Variants in PSG2 observed in about 807,000 individuals in gnomAD.
The protein encoded by PSG2 is pregnancy specific beta-1-glycoprotein 2.
Under a neutral mutation model 36.2 loss-of-function variants are expected in PSG2, and 49 were observed. That is an observed-to-expected ratio of 1.35 (90% CI 1.08 to 1.72). The LOEUF (loss-of-function observed/expected upper bound fraction) is 1.72, where lower values mean the gene tolerates loss of function less well. Ranked by LOEUF, PSG2 falls within the 40% of genes most tolerant of loss-of-function variation. The probability of loss-of-function intolerance (pLI) is 0.00; values close to 1 mark genes in which losing one functional copy is unlikely to be tolerated. For synonymous variants in PSG2, 261 were observed against 155.6 expected (o/e 1.68, Z -5.04); for missense variants, 605 against 407.2 (o/e 1.49, Z -4.18).
At chr19:43,072,712 C>G (rs1967837187) in intron 3 of PSG2, 9 of 1,572,848 alleles carry the variant, frequency 5.7e-6, no homozygotes, top group Non-Finnish European at 7.8e-6. Flanking sequence ...GTTACCATCT[C>G]CCACCTCTCA....
intron 1 of PSG2, chr19:43,082,122 C>T (rs12986160): frequency 0.31 from 20,824 of 67,908 alleles, 3,469 homozygotes; most frequent in South Asian, 0.5. Context: ...TTTCTTCTCT[C>T]TTTTTTTTTT....
intron 5 of PSG2, chr19:43,065,378 T>C (rs1295141206): frequency 6.6e-6 from 1 of 151,588 alleles, no homozygotes; most frequent in East Asian, 1.9e-4. Flanking sequence ...TACTTTTAGC[T>C]GAAAATCATT....
chr19:43,075,268 G>A (rs889689430), intron 3 of PSG2, 86 bp downstream of exon 3: 1 of 1,611,244 alleles, frequency 6.2e-7, no homozygotes, highest in Non-Finnish European at 8.5e-7. Flanking sequence ...TCTGTACTTG[G>A]ACCTGAGAGG....
intron 4 of PSG2, among the ~76,000 whole-genome samples, chr19:43,066,991 T>C (rs569092857): frequency 1.3e-5 from 2 of 151,450 alleles, no homozygotes; most frequent in Non-Finnish European, 2.9e-5. Flanking sequence ...AGGGACCTGA[T>C]TGGCAGAAGG....
At chr19:43,075,839 G>T (rs1967888163) in intron 2 of PSG2, among the ~76,000 whole-genome samples, 1 of 151,566 alleles carries the variant, frequency 6.6e-6, no homozygotes, top group South Asian at 2.1e-4. Flanking sequence ...GAGAAGCACA[G>T]ACTTTCTCAG....
At position 43,081,147 on chromosome 19, in the gene PSG2, A is replaced by G; in HGVS notation, c.164T>C (p.Val55Ala). 1.2e-6 allele frequency: 2 copies of G among 1,612,820 alleles called. No individual in the cohort carries two copies. Among genetic ancestry groups the G allele is most frequent in the African/African-American group, 2.7e-5 (2 of 74,286 alleles). ...VSEGKDVLLL[V>A]HNLPQNLTGY... ...AGTAAGATTCTGGGGCAAATTGTGG[A>G]CAAGTAGAAGAACATCCTTCCCCTC... The change falls in exon 2 of 6, where the codon GTC (valine) becomes GCC (alanine). Residue 55 changes from valine (V) to alanine (A), a missense_variant. Transcript: ENST00000406487.
rs752887639 is a variant in PSG2 at position 43,081,208 on chromosome 19, G to A, written c.103C>T (p.Gln35Ter). 4 of 1,612,534 alleles carry A rather than the reference G, an allele frequency of 2.5e-6. No homozygotes were observed. The highest frequency in any genetic ancestry group is 3.4e-6 in the Non-Finnish European group (4 of 1,179,584). Reference protein sequence around the residue: ...LNFWNLPTTAQVTIEAQPPKV... With the variant: ...LNFWNLPTTA ...GGTGGCTGGGCTTCAATCGTGACTT[G>A]GGCAGTGGTGGGCAGGTTCCAGAAG... Residue 35 changes from glutamine (Q) to a stop codon, truncating the protein, a stop_gained, in exon 2 of 6, where the codon CAA becomes TAA. Coordinates refer to ENST00000406487, the MANE Select transcript of PSG2 (RefSeq NM_031246.4). LOFTEE classifies it high-confidence loss of function.
chr19:43,065,324 G>A (rs1198918132), intron 5 of PSG2, among the ~76,000 whole-genome samples: 1 of 151,522 alleles, frequency 6.6e-6, no homozygotes, highest in Non-Finnish European at 1.5e-5. Context: ...GGCCAAAAAT[G>A]TATAGTCTTA....
rs1064935 is a variant in PSG2, at chr19:43,071,776, G to C, written c.888C>G (p.Ser296Arg). The C allele has an allele frequency of 6.2e-7, 1 of 1,612,386 alleles. No individual in the cohort carries two copies. Among genetic ancestry groups the C allele is most frequent in the Non-Finnish European group, 8.5e-7 (1 of 1,179,142 alleles). ...TACGAACAGAGCAAACATAGAGCCC[G>C]CTATGCTTTGTAGTAATTTGGGGGA... ...LFIPQITTKH[S>R]GLYVCSVRNS... Residue 296 changes from serine to arginine, a missense_variant, in exon 4 of 6, where the codon AGC becomes AGG. By Grantham distance (110) the Ser-to-Arg change is moderately radical. Transcript: ENST00000406487.
chr19:43,071,959 A>G lies in PSG2; in HGVS notation c.710-5T>C. On this transcript the variant is annotated splice_polypyrimidine_tract_variant and splice_region_variant and intron_variant, in intron 3 of 5. Coordinates refer to ENST00000406487, the MANE Select transcript of PSG2 (RefSeq NM_031246.4). ...TTCTGGGGAGGTCTGGACCATCTGGAGCAAAGAGAATAAAGCCACAGGTGA... is the reference window on the plus strand; with the variant it reads ...TTCTGGGGAGGTCTGGACCATCTGGGGCAAAGAGAATAAAGCCACAGGTGA... The G allele has an allele frequency of 6.2e-7, 1 of 1,611,782 alleles. No individual in the cohort carries two copies. The highest frequency in any genetic ancestry group is 8.5e-7 in the Non-Finnish European group (1 of 1,178,788).
intron 2 of PSG2, among the ~76,000 whole-genome samples, chr19:43,077,525 T>C (rs10418598): frequency 0.2 from 29,640 of 151,358 alleles, 5,213 homozygotes; most frequent in African/African-American, 0.45. Flanking sequence ...AGGAAGATTC[T>C]AAGTGAGATG....
At chr19:43,066,715 A>T in intron 4 of PSG2, 115 bp from the exon 5 acceptor site, 1 of 1,384,474 alleles carries the variant, frequency 7.2e-7, no homozygotes, top group East Asian at 2.3e-5. Context: ...CAAGGACCAC[A>T]TTATTTCTCT....
intron 2 of PSG2, among the ~76,000 whole-genome samples, chr19:43,080,320 G>T (rs1047607531): frequency 2.0e-5 from 3 of 151,726 alleles, no homozygotes; most frequent in Non-Finnish European, 4.4e-5. Context: ...CCATTGCCCA[G>T]ATGAGGCTCT....
intron 4 of PSG2, among the ~76,000 whole-genome samples, chr19:43,070,167 A>T (rs1273934461): frequency 6.6e-6 from 1 of 151,670 alleles, no homozygotes; most frequent in East Asian, 1.9e-4. Context: ...GATGGCTTTG[A>T]TAAACAACAA....
rs532448603 is a variant in PSG2, at chr19:43,068,642, A to G, written c.965-2042T>C. Among the ~76,000 whole-genome samples the G allele has an allele frequency of 7.0e-4, 106 of 151,832 alleles. 3 individuals carry two copies. Among genetic ancestry groups the G allele is most frequent in the Admixed American group, 6.8e-3 (103 of 15,252 alleles). The stretch of plus-strand genomic sequence containing the variant: ...GAATAAAACTATAATCACTAATAAG[A>G]TTGAATCAATAAAAGCATTTGATGA... On this transcript the variant is annotated intron_variant, in intron 4 of 5. Coordinates refer to ENST00000406487, the MANE Select transcript of PSG2 (RefSeq NM_031246.4).
chr19:43,077,659 C>A (rs919652198), intron 2 of PSG2, among the ~76,000 whole-genome samples: 1 of 151,746 alleles, frequency 6.6e-6, no homozygotes, highest in African/African-American at 2.4e-5. Context: ...TGGTCACCTC[C>A]AACTGGTCCT....
At chr19:43,067,219 T>C (rs1358399204) in intron 4 of PSG2, among the ~76,000 whole-genome samples, 1 of 151,480 alleles carries the variant, frequency 6.6e-6, no homozygotes, top group Non-Finnish European at 1.5e-5. Flanking sequence ...AGGAATCAGC[T>C]CTGCATAGTG....
Position 43,068,831 on chromosome 19 carries a change from C to T in PSG2, c.965-2231G>A, listed in dbSNP as rs570764777. On this transcript the variant is annotated intron_variant, in intron 4 of 5. Transcript: ENST00000406487. ...ATAAGACAAGGATGCCCACTTTTGA[C>T]ACTTTTATTCAACATAGTGTTGAAA... 2.6e-5 allele frequency among the ~76,000 whole-genome samples: 4 copies of T among 151,702 alleles called. No homozygotes were observed. The South Asian group carries it at 6.2e-4, about 24-fold the overall frequency.
chr19:43,075,278 G>A lies in PSG2; in HGVS notation c.709+76C>T, dbSNP rs57776266. 4 of 1,612,248 alleles carry A rather than the reference G, an allele frequency of 2.5e-6. No homozygotes were observed. The East Asian group carries it at 6.7e-5, about 27-fold the overall frequency. ...AGGTCTCTGTACTTGGACCTGAGAGGGACTGAGAGGCCTGGCCTCTGGCCA... is the reference window on the plus strand; with the variant it reads ...AGGTCTCTGTACTTGGACCTGAGAGAGACTGAGAGGCCTGGCCTCTGGCCA... On this transcript the variant is annotated intron_variant, in intron 3 of 5. Transcript: ENST00000406487.
Sources: gnomAD v4.1 joint callset for allele counts (sites outside exome capture counted in the v4.1 genomes callset) on GRCh38, gnomAD v4.1.1 for gene constraint, MANE v1.5 for transcripts, NCBI Gene and HGNC (gene_info 2026-07-23, HGNC 2026-07-21) for gene names.